ROBO1: variants seen among roughly 807,000 people sequenced by gnomAD.
The protein encoded by ROBO1 is roundabout guidance receptor 1.
ROBO1 carries 149 observed loss-of-function variants against 195.9 expected under a neutral mutation model. The observed-to-expected ratio is 0.76, with a 90% CI of 0.67 to 0.87. ROBO1 has a LOEUF of 0.87. ROBO1 is among the 40% of genes least tolerant of loss of function. The pLI is 0.00. For missense variants in ROBO1, 1,933 were observed against 2,068.3 expected (o/e 0.93, Z 1.27); for synonymous variants, 816 against 733.2 (o/e 1.11, Z -1.82).
chr3:78,712,529 T>A (rs2108037827), intron 8 of ROBO1, among the ~76,000 whole-genome samples: 1 of 152,252 alleles, frequency 6.6e-6, no homozygotes, highest in African/African-American at 2.4e-5. Flanking sequence ...TAACATACTG[T>A]GTTTATTATT....
intron 2 of ROBO1, among the ~76,000 whole-genome samples, chr3:79,374,157 G>A (rs538315310): frequency 1.2e-3 from 190 of 152,214 alleles, no homozygotes; most frequent in African/African-American, 4.4e-3. Flanking sequence ...AGTGAAATTC[G>A]GAGTTCCTTC....
At chr3:78,684,450 G>A (rs552716746) in intron 10 of ROBO1, among the ~76,000 whole-genome samples, 7 of 152,172 alleles carry the variant, frequency 4.6e-5, no homozygotes, top group East Asian at 3.9e-4. Context: ...TATCTTGATC[G>A]GAGTGGTCAC....
intron 19 of ROBO1, among the ~76,000 whole-genome samples, chr3:78,647,876 A>C (rs1706399105): frequency 6.6e-6 from 1 of 152,068 alleles, no homozygotes; most frequent in Non-Finnish European, 1.5e-5. Context: ...ATTCTAGTAC[A>C]CTCAGGAAGG....
At chr3:79,197,429 A>G (rs989432736) in intron 2 of ROBO1, among the ~76,000 whole-genome samples, 1 of 152,082 alleles carries the variant, frequency 6.6e-6, no homozygotes, top group Non-Finnish European at 1.5e-5. Flanking sequence ...TTCTTTATCC[A>G]GTCTATCATT....
intron 3 of ROBO1, among the ~76,000 whole-genome samples, chr3:79,113,269 A>G (rs1294450633): frequency 6.6e-6 from 1 of 152,154 alleles, no homozygotes; most frequent in Non-Finnish European, 1.5e-5. Flanking sequence ...TTTTATCCTA[A>G]GTACCTCTGC....
intron 2 of ROBO1, among the ~76,000 whole-genome samples, chr3:79,235,626 T>G (rs1265042060): frequency 6.6e-6 from 1 of 152,186 alleles, no homozygotes; most frequent in Non-Finnish European, 1.5e-5. Flanking sequence ...GAGGATCATC[T>G]GTGGCCTCTA....
intron 2 of ROBO1, among the ~76,000 whole-genome samples, chr3:79,138,245 T>C (rs1421430785): frequency 1.3e-5 from 2 of 152,176 alleles, no homozygotes; most frequent in African/African-American, 4.8e-5. Context: ...CTCATCATCC[T>C]ATGCCTAGCC....
In ROBO1 at chr3:78,651,853, C is replaced by T. The variant is rs377103750; in HGVS notation, c.2691G>A (p.Pro897=). 60 of 1,613,724 alleles carry T rather than the reference C, an allele frequency of 3.7e-5. No individual in the cohort carries two copies. The African/African-American group carries it at 4.3e-4, about 11-fold the overall frequency. ...CTGCTCCAATACCTGCTATGAAGGC[C>T]GGCTGCTTCACCACATCTGAAATCT... ...AQQISDVVKQ[P]AFIAGIGAAC... is the part of the protein sequence containing the mutation. The change falls in exon 19 of 31, where the codon CCG becomes CCA. Residue 897 remains proline (P), a synonymous_variant. Coordinates refer to ENST00000464233, the MANE Select transcript of ROBO1 (RefSeq NM_002941.4).
chr3:79,110,204 A>C (rs1373179515), intron 3 of ROBO1, among the ~76,000 whole-genome samples: 1 of 152,130 alleles, frequency 6.6e-6, no homozygotes. Context: ...ACTAAATGTA[A>C]GTTATTACAG....
At chr3:78,916,460 G>A (rs1014009622) in intron 4 of ROBO1, among the ~76,000 whole-genome samples, 3 of 149,654 alleles carry the variant, frequency 2.0e-5, no homozygotes, top group Non-Finnish European at 3.0e-5. Context: ...GCTGAGACAG[G>A]AGAATTGCTT....
At chr3:78,997,841 A>G (rs2077405697) in intron 3 of ROBO1, among the ~76,000 whole-genome samples, 1 of 152,152 alleles carries the variant, frequency 6.6e-6, no homozygotes, top group Non-Finnish European at 1.5e-5. Context: ...ATTTCAAAAG[A>G]TGAGATCTGA....
chr3:79,177,579 A>G (rs1306950352), intron 2 of ROBO1, among the ~76,000 whole-genome samples: 3 of 152,346 alleles, frequency 2.0e-5, no homozygotes, highest in Non-Finnish European at 2.9e-5. Context: ...CTGAAGGACA[A>G]CATTACAGAG....
At chr3:79,654,852 C>A (rs955642603) in intron 1 of ROBO1, among the ~76,000 whole-genome samples, 1 of 151,886 alleles carries the variant, frequency 6.6e-6, no homozygotes, top group African/African-American at 2.4e-5. Context: ...TCATCCTTTT[C>A]TGTTTGGCTC....
At chr3:78,917,768 T>C (rs2038702506) in intron 4 of ROBO1, among the ~76,000 whole-genome samples, 1 of 152,210 alleles carries the variant, frequency 6.6e-6, no homozygotes, top group African/African-American at 2.4e-5. Flanking sequence ...TTTGAAGGAT[T>C]TATTTTAGAC....
intron 1 of ROBO1, among the ~76,000 whole-genome samples, chr3:79,666,700 G>A (rs904010637): frequency 1.3e-5 from 2 of 151,806 alleles, no homozygotes; most frequent in Non-Finnish European, 2.9e-5. Context: ...CCCCAGCCAC[G>A]AGGAACTATC....
At chr3:79,617,613 A>G (rs73849648) in intron 1 of ROBO1, among the ~76,000 whole-genome samples, 2,287 of 152,278 alleles carry the variant, frequency 0.015, 51 homozygotes, top group African/African-American at 0.053. Context: ...CAGCTCCTCC[A>G]GATGAGAAGG....
chr3:78,715,923 T>C (rs778895788), intron 7 of ROBO1, among the ~76,000 whole-genome samples: 9 of 152,206 alleles, frequency 5.9e-5, no homozygotes, highest in Non-Finnish European at 1.2e-4. Flanking sequence ...AATTCTTTAT[T>C]ACACAAAGCC....
At chr3:79,012,792 G>A (rs1328133000) in intron 3 of ROBO1, among the ~76,000 whole-genome samples, 1 of 150,784 alleles carries the variant, frequency 6.6e-6, no homozygotes, top group Admixed American at 7.1e-5. Context: ...GGTTAAAAAA[G>A]AGAGAGGAAA....
chr3:78,678,877 G>C (rs2080809397), intron 10 of ROBO1, among the ~76,000 whole-genome samples: 1 of 151,950 alleles, frequency 6.6e-6, no homozygotes. Flanking sequence ...AACCAAAAAA[G>C]AGAATTTTAG....
Sources: gnomAD v4.1 joint callset for allele counts (sites outside exome capture counted in the v4.1 genomes callset) on GRCh38, gnomAD v4.1.1 for gene constraint, MANE v1.5 for transcripts, NCBI Gene and HGNC (gene_info 2026-07-23, HGNC 2026-07-21) for gene names.